INPP4B: variants seen among roughly 807,000 people sequenced by gnomAD.
INPP4B encodes the protein inositol polyphosphate-4-phosphatase type II B, also known as inositol polyphosphate 4-phosphatase type II.
In INPP4B, 55 loss-of-function variants were observed where a neutral mutation model predicts 122.5. That is an observed-to-expected ratio of 0.45 (90% CI 0.36 to 0.56). The LOEUF is 0.56. INPP4B is among the 20% of genes least tolerant of loss of function. INPP4B has a pLI of 0.00. For synonymous variants in INPP4B, 403 were observed against 388.7 expected, an observed-to-expected ratio of 1.04 and a Z score of -0.43; for missense variants, 1,000 against 1,097.7, an observed-to-expected ratio of 0.91 and a Z score of 1.26.
At chr4:142,542,891 C>G (rs1829102527) in intron 2 of INPP4B, among the ~76,000 whole-genome samples, 1 of 152,168 alleles carries the variant, frequency 6.6e-6, no homozygotes, top group Middle Eastern at 3.4e-3. Flanking sequence ...AGTGGCAACA[C>G]TGTAAATCTT....
At chr4:142,583,794 TTTTCTGGGGTAATCC>T (rs1467760511) in intron 2 of INPP4B, among the ~76,000 whole-genome samples, 1 of 152,146 alleles carries the variant, frequency 6.6e-6, no homozygotes, top group Non-Finnish European at 1.5e-5. Flanking sequence ...CAATTCTACT[TTTTCTGGGGTAATCC>T]TTTCTTTCCC....
chr4:142,185,454 A>T (rs1832743949), intron 15 of INPP4B, among the ~76,000 whole-genome samples: 1 of 151,808 alleles, frequency 6.6e-6, no homozygotes, highest in African/African-American at 2.4e-5. Context: ...CACGTGAATA[A>T]TATCCAAACT....
At chr4:142,723,111 T>C (rs974388664) in intron 2 of INPP4B, among the ~76,000 whole-genome samples, 18 of 152,118 alleles carry the variant, frequency 1.2e-4, no homozygotes, top group African/African-American at 4.3e-4. Context: ...TAAGTAACCC[T>C]GTATAGTAGC....
chr4:142,524,523 A>G (rs1161291152), intron 2 of INPP4B, among the ~76,000 whole-genome samples: 2 of 151,830 alleles, frequency 1.3e-5, no homozygotes, highest in Non-Finnish European at 2.9e-5. Context: ...TTTCTTGTAA[A>G]TTTGTTTGAG....
chr4:142,640,772 C>T (rs1750211426), intron 2 of INPP4B, among the ~76,000 whole-genome samples: 1 of 150,976 alleles, frequency 6.6e-6, no homozygotes, highest in East Asian at 1.9e-4. Context: ...CTTTGAAAAG[C>T]ATTTTCAAAA....
chr4:142,679,556 G>T lies in INPP4B; in HGVS notation c.-191+46283C>A, dbSNP rs531938298. Among the ~76,000 whole-genome samples, 7 of 151,622 alleles carry T rather than the reference G, an allele frequency of 4.6e-5. No homozygotes were observed. In the South Asian group the frequency reaches 1.3e-3, roughly 27 times the overall value. On this transcript the variant is annotated intron_variant, in intron 2 of 25. Transcript: ENST00000262992. Reference sequence around the variant, plus strand: ...GTAAAGCATGCATTCCAATATAGTTGTTGTGTAGTAAGGTTGAGAAGTGCC... The same window carrying T: ...GTAAAGCATGCATTCCAATATAGTTTTTGTGTAGTAAGGTTGAGAAGTGCC...
intron 12 of INPP4B, among the ~76,000 whole-genome samples, chr4:142,230,117 A>G (rs912861233): frequency 1.3e-5 from 2 of 152,198 alleles, no homozygotes; most frequent in African/African-American, 4.8e-5. Flanking sequence ...AGAAATAACC[A>G]TTGTTCATAT....
chr4:142,237,727 T>A (rs1213694270), intron 12 of INPP4B, 137 bp downstream of exon 12: 1 of 484,384 alleles, frequency 2.1e-6, no homozygotes, highest in African/African-American at 2.0e-5. Context: ...AAGGCAAATG[T>A]TAACTGGCTC....
At chr4:142,593,902 A>T (rs947721606) in intron 2 of INPP4B, among the ~76,000 whole-genome samples, 3 of 152,070 alleles carry the variant, frequency 2.0e-5, no homozygotes, top group African/African-American at 7.2e-5. Context: ...GCACAGGATC[A>T]CACTTTAAAT....
intron 21 of INPP4B, among the ~76,000 whole-genome samples, chr4:142,120,354 C>T (rs555585414): frequency 6.6e-6 from 1 of 151,950 alleles, no homozygotes; most frequent in Non-Finnish European, 1.5e-5. Flanking sequence ...GTTAGGCTTG[C>T]CAATTTCTGC....
chr4:142,247,684 G>A (rs990150029), intron 11 of INPP4B, among the ~76,000 whole-genome samples: 3 of 151,848 alleles, frequency 2.0e-5, no homozygotes, highest in East Asian at 1.9e-4. Flanking sequence ...CCTCTCTTTT[G>A]TTCTTTATTA....
At chr4:142,235,626 T>C (rs2322547) in intron 12 of INPP4B, among the ~76,000 whole-genome samples, 21,230 of 151,986 alleles carry the variant, frequency 0.14, 1,769 homozygotes, top group African/African-American at 0.23. Context: ...GAAGTTTCAC[T>C]GTATTAGCCA....
At chr4:142,320,141 T>C (rs1769443127) in intron 7 of INPP4B, among the ~76,000 whole-genome samples, 1 of 152,190 alleles carries the variant, frequency 6.6e-6, no homozygotes, top group Admixed American at 6.5e-5. Context: ...CAGCAGCCCT[T>C]GCCATGCTCC....
chr4:142,617,490 C>T (rs10857396), intron 2 of INPP4B, among the ~76,000 whole-genome samples: 118,049 of 151,982 alleles, frequency 0.78, 46,583 homozygotes, highest in East Asian at 0.85. Context: ...CAGGACAGCA[C>T]CAGAGGCAAA....
At chr4:142,825,448 G>T (rs552043610) in intron 1 of INPP4B, among the ~76,000 whole-genome samples, 103 of 152,056 alleles carry the variant, frequency 6.8e-4, no homozygotes, top group African/African-American at 2.4e-3. Context: ...CAACATATAT[G>T]TGCACAGGCA....
chr4:142,194,003 C>A (rs1240727263), intron 14 of INPP4B, among the ~76,000 whole-genome samples: 3 of 152,142 alleles, frequency 2.0e-5, no homozygotes, highest in Non-Finnish European at 1.5e-5. Context: ...AACCTAATTT[C>A]ATAGTAGATC....
chr4:142,564,166 G>T (rs1057018298), intron 2 of INPP4B, among the ~76,000 whole-genome samples: 2 of 152,076 alleles, frequency 1.3e-5, no homozygotes, highest in African/African-American at 2.4e-5. Flanking sequence ...GTGCAAGCAC[G>T]CTAACAAAGC....
At chr4:142,640,920 A>T (rs749429036) in intron 2 of INPP4B, among the ~76,000 whole-genome samples, 1 of 152,188 alleles carries the variant, frequency 6.6e-6, no homozygotes, top group East Asian at 1.9e-4. Flanking sequence ...AAGGCTTTGA[A>T]TCACAAATTT....
At chr4:142,515,370 G>T (rs904230725) in intron 2 of INPP4B, among the ~76,000 whole-genome samples, 1 of 152,092 alleles carries the variant, frequency 6.6e-6, no homozygotes, top group African/African-American at 2.4e-5. Flanking sequence ...TCATGAAAAC[G>T]AAATGCTGAT....
Sources: gnomAD v4.1 joint callset for allele counts (sites outside exome capture counted in the v4.1 genomes callset) on GRCh38, gnomAD v4.1.1 for gene constraint, MANE v1.5 for transcripts, NCBI Gene and HGNC (gene_info 2026-07-23, HGNC 2026-07-21) for gene names.